The following ERP44 variants were observed in gnomAD, a reference collection of about 807,000 sequenced individuals.
ERP44 encodes the protein endoplasmic reticulum protein 44.
In ERP44, 25 loss-of-function variants were observed where a neutral mutation model predicts 53.4. That is an observed-to-expected ratio of 0.47 (90% CI 0.34 to 0.65). The LOEUF (loss-of-function observed/expected upper bound fraction) is 0.65. Among genes scored for constraint, ERP44 ranks in the 30% least tolerant of loss-of-function variants. The pLI is 0.01. For synonymous variants in ERP44, 145 were observed against 161.2 expected (o/e 0.90, Z 0.76); for missense variants, 338 against 493.2 (o/e 0.69, Z 2.98).
intron 1 of ERP44, among the ~76,000 whole-genome samples, chr9:100,068,058 G>A (rs1316766149): frequency 3.4e-5 from 5 of 147,854 alleles, no homozygotes; most frequent in African/African-American, 5.0e-5. Context: ...CCGGCCAGCC[G>A]CCCCATCCGG....
chr9:100,027,572 A>C (rs1053447462), intron 4 of ERP44, among the ~76,000 whole-genome samples: 1 of 152,206 alleles, frequency 6.6e-6, no homozygotes, highest in Non-Finnish European at 1.5e-5. Flanking sequence ...GATAGATCAA[A>C]TGTTAAAATG....
At position 100,016,315 on chromosome 9, in the gene ERP44, C is replaced by A; in HGVS notation, c.762+7G>T. 6.2e-7 allele frequency: 1 copy of A among 1,606,376 alleles called. No homozygotes were observed. The highest frequency in any genetic ancestry group is 8.5e-7 in the Non-Finnish European group (1 of 1,177,424). On this transcript the variant is annotated splice_region_variant and intron_variant, in intron 8 of 11. Transcript: ENST00000262455. ...TAAAGTAACAATGCACAGTAGAAAG[C>A]CCATACCTCTCCATTTTCAAATGTT...
chr9:100,087,170 A>T (rs1826494897), intron 1 of ERP44, among the ~76,000 whole-genome samples: 1 of 152,000 alleles, frequency 6.6e-6, no homozygotes, highest in African/African-American at 2.4e-5. Context: ...ACTATACGAC[A>T]AAACACAACT....
At chr9:100,063,075 C>CACAAAAAAAAAAAAAAAAAAAAAAAAAA in intron 1 of ERP44, among the ~76,000 whole-genome samples, 1 of 40,074 alleles carries the variant, frequency 2.5e-5, no homozygotes, top group Non-Finnish European at 4.2e-5. Flanking sequence ...CCCTGTCTCA[C>CACAAAAAAAAAAAAAAAAAAAAAAAAAA]AAAAAAAAAA....
chr9:99,989,897 T>C (rs567302183), intron 10 of ERP44, among the ~76,000 whole-genome samples: 2 of 152,272 alleles, frequency 1.3e-5, no homozygotes, highest in East Asian at 3.9e-4. Flanking sequence ...CAGTAGCCGA[T>C]TCGATCCAGT....
chr9:100,071,029 G>T (rs1826296145), intron 1 of ERP44, among the ~76,000 whole-genome samples: 1 of 150,066 alleles, frequency 6.7e-6, no homozygotes. Context: ...GTTTTCACTT[G>T]ACTTTTACAC....
intron 1 of ERP44, among the ~76,000 whole-genome samples, chr9:100,074,074 G>T (rs1441630193): frequency 1.3e-5 from 2 of 152,038 alleles, no homozygotes; most frequent in Non-Finnish European, 2.9e-5. Context: ...ATCTCCTTTG[G>T]AAATCCCTTA....
chr9:100,017,734 C>T (rs531264191), intron 7 of ERP44, among the ~76,000 whole-genome samples: 12 of 152,216 alleles, frequency 7.9e-5, no homozygotes, highest in African/African-American at 2.4e-4. Flanking sequence ...ACATGTGCTA[C>T]GATTTTTGCC....
At chr9:100,018,002 A>G (rs1830541888) in intron 7 of ERP44, among the ~76,000 whole-genome samples, 1 of 151,254 alleles carries the variant, frequency 6.6e-6, no homozygotes, top group Non-Finnish European at 1.5e-5. Context: ...GAGATCCCTA[A>G]TGCCAGCTCT....
chr9:100,036,846 G>C (rs1825852258), intron 4 of ERP44, among the ~76,000 whole-genome samples: 1 of 151,998 alleles, frequency 6.6e-6, no homozygotes, highest in African/African-American at 2.4e-5. Flanking sequence ...GTTATTAGAG[G>C]GTGGGAGGGG....
intron 4 of ERP44, 96 bp downstream of exon 4, chr9:100,052,307 AAAAAAAAGAAAAGG>A (rs1427321910): frequency 3.9e-6 from 2 of 512,728 alleles, no homozygotes; most frequent in African/African-American, 2.0e-5. Context: ...AGCATTTAAA[AAAAAAAAGAAAAGG>A]AAAAAAAAAG....
chr9:99,983,889 C>T (rs1830173167), intron 11 of ERP44, among the ~76,000 whole-genome samples: 1 of 152,136 alleles, frequency 6.6e-6, no homozygotes, highest in African/African-American at 2.4e-5. Flanking sequence ...TCTGTTAGTA[C>T]ACAAAGATGA....
At chr9:99,990,049 T>C (rs1035754586) in intron 10 of ERP44, among the ~76,000 whole-genome samples, 1 of 152,202 alleles carries the variant, frequency 6.6e-6, no homozygotes, top group Admixed American at 6.5e-5. Flanking sequence ...TTGACTGGTG[T>C]ACCTGAAAGT....
chr9:100,097,949 C>G (rs2118771127), intron 1 of ERP44, among the ~76,000 whole-genome samples: 1 of 152,284 alleles, frequency 6.6e-6, no homozygotes, highest in African/African-American at 2.4e-5. Flanking sequence ...TTATAATTAA[C>G]AGCCCAATTA....
intron 10 of ERP44, among the ~76,000 whole-genome samples, chr9:100,002,041 T>G (rs1830383206): frequency 6.6e-6 from 1 of 151,836 alleles, no homozygotes; most frequent in Non-Finnish European, 1.5e-5. Context: ...TATAATAGGG[T>G]TTTTAAAATT....
At chr9:99,990,961 G>C (rs1425863915) in intron 10 of ERP44, among the ~76,000 whole-genome samples, 1 of 152,180 alleles carries the variant, frequency 6.6e-6, no homozygotes, top group Non-Finnish European at 1.5e-5. Flanking sequence ...AACAAGAAGA[G>C]CTAACTATCC....
Position 100,032,043 on chromosome 9 carries a change from C to A in ERP44, c.287-9817G>T, listed in dbSNP as rs148236528. Among the ~76,000 whole-genome samples the A allele has an allele frequency of 8.8e-3, 1,339 of 152,188 alleles. 10 individuals carry two copies. Among genetic ancestry groups the A allele is most frequent in the Admixed American group, 0.012 (176 of 15,284 alleles). On this transcript the variant is annotated intron_variant, in intron 4 of 11. Coordinates refer to ENST00000262455, the MANE Select transcript of ERP44 (RefSeq NM_015051.3). The stretch of plus-strand genomic sequence containing the variant: ...TGGATTAGAGAAGCATGCTCTTGGC[C>A]CCCTAGAAGGTATGAAAATGTCCTC...
chr9:99,984,722 TTCCACAGAGG>T (rs1294854316), intron 11 of ERP44, among the ~76,000 whole-genome samples: 2 of 152,238 alleles, frequency 1.3e-5, no homozygotes, highest in Non-Finnish European at 2.9e-5. Flanking sequence ...TATAGCCATA[TTCCACAGAGG>T]TCACATCAGA....
chr9:100,040,614 G>A (rs1046208135), intron 4 of ERP44, among the ~76,000 whole-genome samples: 2 of 152,080 alleles, frequency 1.3e-5, no homozygotes, highest in African/African-American at 4.8e-5. Flanking sequence ...ATACAAGGAT[G>A]CCCACTGTCA....
Sources: gnomAD v4.1 joint callset for allele counts (sites outside exome capture counted in the v4.1 genomes callset) on GRCh38, gnomAD v4.1.1 for gene constraint, MANE v1.5 for transcripts, NCBI Gene and HGNC (gene_info 2026-07-23, HGNC 2026-07-21) for gene names.